Variants in SKIC8 observed in about 807,000 individuals in gnomAD.
SKIC8 encodes superkiller complex protein 8.
At chr15:78,283,325 T>G in the SKIC8 span, 1 of 845,938 alleles carries the variant, frequency 1.2e-6, no homozygotes. Context: ...ATTTAAGTCT[T>G]TGCTACAATA....
chr15:78,297,400 A>C, the SKIC8 span, among the ~76,000 whole-genome samples: 1 of 152,140 alleles, frequency 6.6e-6, no homozygotes, highest in East Asian at 1.9e-4. Context: ...GCTACAGACA[A>C]ATTTTAGTAA....
chr15:78,296,203 T>C, the SKIC8 span, among the ~76,000 whole-genome samples: 1 of 152,026 alleles, frequency 6.6e-6, no homozygotes, highest in East Asian at 1.9e-4. Context: ...GTCAAGAGAT[T>C]GAGAACATCC....
chr15:78,298,938 C>T, the SKIC8 span, among the ~76,000 whole-genome samples: 1 of 152,228 alleles, frequency 6.6e-6, no homozygotes, highest in South Asian at 2.1e-4. Flanking sequence ...TACACTACCT[C>T]TTACTTCAGG....
chr15:78,289,714 T>TA, the SKIC8 span: 1 of 1,613,310 alleles, frequency 6.2e-7, no homozygotes, highest in Admixed American at 1.7e-5. Flanking sequence ...ATCAGGACTC[T>TA]GTTCAGAGAA....
chr15:78,292,575 T>C, the SKIC8 span: 14 of 1,613,116 alleles, frequency 8.7e-6, no homozygotes, highest in Admixed American at 1.8e-4. Context: ...GGAAAAGAAA[T>C]CATGAACCTC....
chr15:78,293,595 A>G, the SKIC8 span, among the ~76,000 whole-genome samples: 367 of 152,346 alleles, frequency 2.4e-3, 1 homozygote, highest in Non-Finnish European at 1.1e-3. Context: ...AAGTAAAACC[A>G]GTGGGGAAGA....
the SKIC8 span, chr15:78,290,452 G>A: frequency 1.6e-5 from 3 of 189,756 alleles, no homozygotes; most frequent in African/African-American, 4.7e-5. Flanking sequence ...TACTCCTAAT[G>A]AAAACATATG....
the SKIC8 span, among the ~76,000 whole-genome samples, chr15:78,298,266 G>C: frequency 6.6e-6 from 1 of 152,330 alleles, no homozygotes; most frequent in South Asian, 2.1e-4. Context: ...CGGTAAGCCA[G>C]CTTCCAAAAA....
chr15:78,288,869 CT>C, the SKIC8 span: 2 of 434,792 alleles, frequency 4.6e-6, no homozygotes, highest in Non-Finnish European at 9.1e-6. Flanking sequence ...CCCAGTCCTC[CT>C]TTCCAGAGGC....
chr15:78,290,409 A>G, the SKIC8 span: 1 of 276,328 alleles, frequency 3.6e-6, no homozygotes, highest in South Asian at 7.7e-5. Context: ...TTCTTAAGTG[A>G]AAACAAACAC....
the SKIC8 span, among the ~76,000 whole-genome samples, chr15:78,299,270 G>T: frequency 6.6e-6 from 1 of 152,162 alleles, no homozygotes; most frequent in Non-Finnish European, 1.5e-5. Context: ...ACGGATAAAT[G>T]ATCTCCTCCG....
At chr15:78,292,324 T>C in the SKIC8 span, 9 of 326,066 alleles carry the variant, frequency 2.8e-5, no homozygotes, top group South Asian at 3.0e-4. Flanking sequence ...ACAGGTTTAC[T>C]ACCAAAATTC....
chr15:78,295,279 C>T, the SKIC8 span: 2 of 555,568 alleles, frequency 3.6e-6, no homozygotes, highest in Admixed American at 3.2e-5. Flanking sequence ...AGCTCAAAGT[C>T]CAGTTTGTAG....
chr15:78,284,116 G>GT, the SKIC8 span: 2 of 152,168 alleles, frequency 1.3e-5, no homozygotes, highest in African/African-American at 4.8e-5. Context: ...TGTGGTTGGA[G>GT]TTTCTCTAAT....
chr15:78,286,185 A>G, the SKIC8 span: 1 of 1,486,314 alleles, frequency 6.7e-7, no homozygotes, highest in Non-Finnish European at 9.3e-7. Flanking sequence ...CTACAGTATA[A>G]TCACTGAAGT....
chr15:78,298,777 A>AACGT, the SKIC8 span, among the ~76,000 whole-genome samples: 1 of 152,228 alleles, frequency 6.6e-6, no homozygotes. Flanking sequence ...CATCCACTGG[A>AACGT]ACGTACACCC....
At chr15:78,294,894 G>A in the SKIC8 span, 1 of 1,612,002 alleles carries the variant, frequency 6.2e-7, no homozygotes, top group South Asian at 1.1e-5. Context: ...TTAAACCAGG[G>A]ACAACACAGT....
chr15:78,293,387 A>G, the SKIC8 span: 3 of 1,056,326 alleles, frequency 2.8e-6, no homozygotes, highest in South Asian at 1.6e-5. Context: ...ACTATTTTAC[A>G]AAGTGCTTTC....
At chr15:78,296,807 G>C in the SKIC8 span, among the ~76,000 whole-genome samples, 1 of 152,150 alleles carries the variant, frequency 6.6e-6, no homozygotes, top group African/African-American at 2.4e-5. Flanking sequence ...TCAGGCTCAG[G>C]ATGTCTTTAC....
Sources: allele counts gnomAD v4.1 joint callset (sites outside exome capture counted in the v4.1 genomes callset), GRCh38; gene constraint gnomAD v4.1.1; transcripts MANE v1.5; gene names NCBI Gene and HGNC (gene_info 2026-07-23, HGNC 2026-07-21).